Variants in CSGALNACT1 observed in about 807,000 individuals in gnomAD.
The protein encoded by CSGALNACT1 is chondroitin sulfate N-acetylgalactosaminyltransferase 1, also known as beta4GalNAcT-1.
CSGALNACT1 carries 52 observed loss-of-function variants against 51.0 expected under a neutral mutation model. The observed-to-expected ratio is 1.02, with a 90% CI of 0.82 to 1.29. The LOEUF is 1.29. Among genes scored for constraint, CSGALNACT1 ranks in the 50% most tolerant of loss-of-function variants. The pLI, the probability that CSGALNACT1 is intolerant of heterozygous loss-of-function variation, is 0.00. For missense variants in CSGALNACT1, 935 were observed against 679.2 expected (o/e 1.38, Z -4.19); for synonymous variants, 341 against 254.4 (o/e 1.34, Z -3.24).
intron 2 of CSGALNACT1, among the ~76,000 whole-genome samples, chr8:19,593,386 C>A (rs924586184): frequency 6.6e-6 from 1 of 152,202 alleles, no homozygotes; most frequent in Non-Finnish European, 1.5e-5. Context: ...AAGTCTGCAT[C>A]ATTTTGTGGT....
chr8:19,643,318 A>G (rs2056927993), intron 1 of CSGALNACT1, among the ~76,000 whole-genome samples: 1 of 152,208 alleles, frequency 6.6e-6, no homozygotes, highest in Admixed American at 6.5e-5. Flanking sequence ...TGTAAGAAAC[A>G]TACTAGACTT....
chr8:19,618,526 G>A (rs1042418475), intron 1 of CSGALNACT1, among the ~76,000 whole-genome samples: 2 of 148,726 alleles, frequency 1.3e-5, no homozygotes, highest in Non-Finnish European at 3.0e-5. Flanking sequence ...TATAATCCCA[G>A]CTACTCAGAA....
intron 9 of CSGALNACT1, among the ~76,000 whole-genome samples, chr8:19,407,836 G>A (rs866213829): frequency 6.6e-6 from 1 of 152,036 alleles, no homozygotes; most frequent in African/African-American, 2.4e-5. Context: ...TTGTGTATAT[G>A]AATTGTGTGC....
intron 1 of CSGALNACT1, among the ~76,000 whole-genome samples, chr8:19,722,981 G>T (rs7460708): frequency 6.6e-6 from 1 of 152,106 alleles, no homozygotes; most frequent in Non-Finnish European, 1.5e-5. Context: ...ACCTGCCACC[G>T]ATCTTTATTC....
chr8:19,679,114 G>A (rs551250692), intron 1 of CSGALNACT1, among the ~76,000 whole-genome samples: 1 of 152,104 alleles, frequency 6.6e-6, no homozygotes, highest in Non-Finnish European at 1.5e-5. Context: ...CTATGTACAG[G>A]AACTCTTCTT....
intron 6 of CSGALNACT1, among the ~76,000 whole-genome samples, chr8:19,423,889 A>G (rs906482291): frequency 2.0e-5 from 3 of 152,238 alleles, no homozygotes; most frequent in Admixed American, 1.3e-4. Flanking sequence ...CAGGCTGCAC[A>G]GAAAGCCCTG....
rs373447608 is a variant in CSGALNACT1, at chr8:19,470,647, G to C, written c.635-12005C>G. 1.5e-3 allele frequency among the ~76,000 whole-genome samples: 230 copies of C among 152,192 alleles called. 2 individuals are homozygous for C. Among genetic ancestry groups the C allele is most frequent in the African/African-American group, 5.3e-3 (221 of 41,500 alleles). ...GAGGGCTCTACCCTAGAAATGTAAGGGGATGATTCGGCAATCATCTCATTG... is the reference window on the plus strand; with the variant it reads ...GAGGGCTCTACCCTAGAAATGTAAGCGGATGATTCGGCAATCATCTCATTG... On this transcript the variant is annotated intron_variant, in intron 4 of 9. Transcript: ENST00000454498.
chr8:19,498,615 A>C (rs2075882641), intron 4 of CSGALNACT1, among the ~76,000 whole-genome samples: 1 of 152,156 alleles, frequency 6.6e-6, no homozygotes, highest in Non-Finnish European at 1.5e-5. Context: ...CTAAGCCTGC[A>C]GCAGCTTCAA....
chr8:19,470,347 G>C (rs896513090), intron 4 of CSGALNACT1, among the ~76,000 whole-genome samples: 1 of 152,224 alleles, frequency 6.6e-6, no homozygotes, highest in Non-Finnish European at 1.5e-5. Context: ...TGGAGGCTGG[G>C]ATGGGACAGT....
intron 1 of CSGALNACT1, among the ~76,000 whole-genome samples, chr8:19,629,372 C>A (rs1242419712): frequency 6.6e-6 from 1 of 152,168 alleles, no homozygotes; most frequent in East Asian, 1.9e-4. Context: ...TATGCCAGGA[C>A]CCATATAAGA....
At chr8:19,470,759 C>T (rs761177896) in intron 4 of CSGALNACT1, among the ~76,000 whole-genome samples, 14 of 152,176 alleles carry the variant, frequency 9.2e-5, no homozygotes, top group South Asian at 4.2e-4. Flanking sequence ...GCTAACTGAA[C>T]GCAGGCCCTA....
chr8:19,639,881 GTTTTT>G lies in CSGALNACT1; in HGVS notation c.-543-38021_-543-38017del, dbSNP rs1159866643. Among the ~76,000 whole-genome samples the G allele has an allele frequency of 3.3e-5, 5 of 151,786 alleles. No individual in the cohort carries two copies. In the South Asian group the frequency reaches 6.2e-4, roughly 19 times the overall value. ...TTTAAGAACAGTTTTGTTTTGTTTT[GTTTTT>G]GTTTGTTTTTTTAATGAGACAGTTT... On this transcript the variant is annotated intron_variant, in intron 1 of 9. Coordinates refer to the CSGALNACT1 transcript ENST00000332246.
At chr8:19,448,273 T>C (rs1037069993) in intron 5 of CSGALNACT1, among the ~76,000 whole-genome samples, 11 of 152,180 alleles carry the variant, frequency 7.2e-5, no homozygotes, top group Non-Finnish European at 1.5e-4. Flanking sequence ...TAATAAACAC[T>C]TACTGGGCAC....
chr8:19,611,175 G>C (rs2052205409), intron 1 of CSGALNACT1, among the ~76,000 whole-genome samples: 1 of 152,222 alleles, frequency 6.6e-6, no homozygotes, highest in South Asian at 2.1e-4. Context: ...AGACACAGGA[G>C]ACTACCAGAG....
chr8:19,622,923 T>C (rs190250392), intron 1 of CSGALNACT1, among the ~76,000 whole-genome samples: 2 of 152,224 alleles, frequency 1.3e-5, no homozygotes, highest in African/African-American at 2.4e-5. Context: ...AAGACAAAGA[T>C]TGACACAGTA....
At chr8:19,676,963 T>C (rs545517570) in intron 1 of CSGALNACT1, among the ~76,000 whole-genome samples, 6 of 152,226 alleles carry the variant, frequency 3.9e-5, no homozygotes, top group East Asian at 1.9e-4. Flanking sequence ...ATTAGTAGCA[T>C]TGACAAGACC....
intron 6 of CSGALNACT1, among the ~76,000 whole-genome samples, chr8:19,428,999 T>C (rs1009277607): frequency 3.9e-5 from 6 of 152,082 alleles, no homozygotes; most frequent in Non-Finnish European, 8.8e-5. Context: ...GTCACCTCTT[T>C]CTAGTTACAA....
chr8:19,574,756 A>G (rs1409597539), intron 3 of CSGALNACT1, among the ~76,000 whole-genome samples: 1 of 151,910 alleles, frequency 6.6e-6, no homozygotes, highest in East Asian at 1.9e-4. Context: ...CTCCGGCCAG[A>G]TGTGGTGGCT....
At chr8:19,445,742 C>A (rs1486077351) in intron 5 of CSGALNACT1, among the ~76,000 whole-genome samples, 1 of 152,182 alleles carries the variant, frequency 6.6e-6, no homozygotes, top group Non-Finnish European at 1.5e-5. Context: ...CCATGAAAAA[C>A]CATGGCTGGC....
Sources: allele counts gnomAD v4.1 joint callset (sites outside exome capture counted in the v4.1 genomes callset), GRCh38; gene constraint gnomAD v4.1.1; transcripts MANE v1.5; gene names NCBI Gene and HGNC (gene_info 2026-07-23, HGNC 2026-07-21).